Variants in ASPM observed in about 807,000 individuals in gnomAD.
ASPM encodes abnormal spindle-like microcephaly-associated protein.
ASPM carries 256 observed loss-of-function variants against 366.4 expected under a neutral mutation model. The observed-to-expected ratio is 0.70, with a 90% confidence interval of 0.63 to 0.77. The LOEUF (loss-of-function observed/expected upper bound fraction) is 0.77. Among genes scored for constraint, ASPM ranks in the 30% least tolerant of loss-of-function variants. The pLI, the probability that ASPM is intolerant of heterozygous loss-of-function variation, is 0.00. For missense variants in ASPM, 4,146 were observed against 4,090.4 expected (o/e 1.01, Z -0.37); for synonymous variants, 1,414 against 1,342.9 (o/e 1.05, Z -1.16).
intron 17 of ASPM, among the ~76,000 whole-genome samples, chr1:197,117,251 AAT>A (rs1657763905): frequency 6.6e-6 from 1 of 151,988 alleles, no homozygotes; most frequent in Admixed American, 6.6e-5. Context: ...ATGTCATTAA[AAT>A]ATAATTTAAT....
At chr1:197,086,587 T>G (rs1023007641) in intron 27 of ASPM, among the ~76,000 whole-genome samples, 1 of 152,230 alleles carries the variant, frequency 6.6e-6, no homozygotes, top group African/African-American at 2.4e-5. Flanking sequence ...ATAAGAAGTT[T>G]GTTGAATAAC....
intron 16 of ASPM, among the ~76,000 whole-genome samples, chr1:197,120,995 A>C (rs1657891174): frequency 6.6e-6 from 1 of 152,142 alleles, no homozygotes; most frequent in Non-Finnish European, 1.5e-5. Flanking sequence ...AAGTTGTCAA[A>C]ATTTATCTGT....
In ASPM at chr1:197,104,627, T is replaced by C. The variant is rs143052642; in HGVS notation, c.4624A>G (p.Ile1542Val). 24 of 1,612,956 alleles carry C rather than the reference T, an allele frequency of 1.5e-5. No homozygotes were observed. In the African/African-American group the frequency reaches 2.7e-4, roughly 18 times the overall value. ...CTCCTAAAAGCAGCTTGTAATTGAA[T>C]GGCTGCAGCTCGTTTCTGCAAATAG... ...TNYLQKRAAA[I>V]QLQAAFRRLK... The change falls in exon 18 of 28, where the codon ATT becomes GTT. Residue 1542 changes from isoleucine (I) to valine (V), a missense_variant. By Grantham distance (29) the Ile-to-Val change is conservative. This residue lies in a region of ASPM where 3,624 missense variants were observed against 3,591.7 expected (regional missense o/e 1.01). Coordinates refer to ENST00000367409, the MANE Select transcript of ASPM (RefSeq NM_018136.5).
At position 197,094,107 on chromosome 1, in the gene ASPM, G is replaced by A; in HGVS notation, c.9061C>T (p.His3021Tyr). ...WRAILPAKIAHEHFLMIKRHR... is the reference protein window; with the variant it reads ...WRAILPAKIAYEHFLMIKRHR... ...ACTTTTATCATTAAGAAGTGTTCAT[G>A]AGCTATCTTTGCAGGAAGTATAGCT... Residue 3021 changes from histidine to tyrosine, a missense_variant, in exon 20 of 28, where the codon CAT becomes TAT. Physicochemically the swap from His to Tyr is moderately conservative, Grantham distance 83. Around this residue, in one of 3 missense-constraint regions of ASPM, gnomAD observed 3,624 missense variants for 3,591.7 expected, o/e 1.01. Transcript: ENST00000367409. The A allele has an allele frequency of 6.9e-6, 11 of 1,601,696 alleles. No individual in the cohort carries two copies. Among genetic ancestry groups the A allele is most frequent in the Non-Finnish European group, 8.5e-6 (10 of 1,171,524 alleles).
rs1447802941 is a variant in ASPM at position 197,117,897 on chromosome 1, T to G, written c.3957A>C (p.Ala1319=). The G allele has an allele frequency of 6.2e-7, 1 of 1,613,402 alleles. No homozygotes were observed. Among genetic ancestry groups the G allele is most frequent in the East Asian group, 2.2e-5 (1 of 44,828 alleles). Residue 1319 remains alanine, a synonymous_variant, in exon 17 of 28, where the codon GCA becomes GCC. Coordinates refer to ENST00000367409, the MANE Select transcript of ASPM (RefSeq NM_018136.5). ...KQRLRKRVNA[A]LVIQKYWRRV... ...TTCGCCAATATTTCTGAATGACGAGTGCTGCATTAACTCTTTTTCTCAATC... is the reference window on the plus strand; with the variant it reads ...TTCGCCAATATTTCTGAATGACGAGGGCTGCATTAACTCTTTTTCTCAATC...
intron 16 of ASPM, among the ~76,000 whole-genome samples, chr1:197,120,508 T>G (rs777709754): frequency 3.3e-5 from 5 of 152,074 alleles, no homozygotes; most frequent in East Asian, 1.9e-4. Context: ...CCTGCCTGGG[T>G]GACAGAGTGA....
In ASPM at chr1:197,101,771, A is replaced by G. The variant is rs964201; in HGVS notation, c.7480T>C (p.Tyr2494His). The G allele has an allele frequency of 0.99, 1,604,366 of 1,612,646 alleles. 798,074 individuals are homozygous for G. Among genetic ancestry groups the G allele is most frequent in the Middle Eastern group, 1 (6,056 of 6,056 alleles). Residue 2494 changes from tyrosine to histidine, a missense_variant, in exon 18 of 28, where the codon TAC becomes CAC. By Grantham distance (83) the Tyr-to-His change is moderately conservative. This residue lies in a region of ASPM where 3,624 missense variants were observed against 3,591.7 expected (regional missense o/e 1.01). Transcript: ENST00000367409. Reference protein sequence around the residue: ...AVLIQATFRMYRTYITFQTWK... With the variant: ...AVLIQATFRMHRTYITFQTWK... ...GTCTGAAATGTAATATATGTTCTGTACATCCTGAAAGTAGCCTGAATGAGA... is the reference window on the plus strand; with the variant it reads ...GTCTGAAATGTAATATATGTTCTGTGCATCCTGAAAGTAGCCTGAATGAGA...
rs769860568 is a variant in ASPM at position 197,103,312 on chromosome 1, T to C, written c.5939A>G (p.Tyr1980Cys). The C allele has an allele frequency of 2.5e-6, 4 of 1,613,094 alleles. No individual in the cohort carries two copies. In the African/African-American group the frequency reaches 5.3e-5, roughly 22 times the overall value. Residue 1980 changes from tyrosine (Y) to cysteine (C), a missense_variant, in exon 18 of 28, where the codon TAC (tyrosine) becomes TGC (cysteine). Around this residue, in one of 3 missense-constraint regions of ASPM, gnomAD observed 3,624 missense variants for 3,591.7 expected, o/e 1.01. Transcript: ENST00000367409. ...CTTTTGTTGCACATGCATTCTATAGTATGACTGTATGATGATAGCACATTT... is the reference window on the plus strand; with the variant it reads ...CTTTTGTTGCACATGCATTCTATAGCATGACTGTATGATGATAGCACATTT... ...QHKCAIIIQSYYRMHVQQKKW... is the reference protein window; with the variant it reads ...QHKCAIIIQSCYRMHVQQKKW...
chr1:197,088,168 T>G, intron 26 of ASPM, 88 bp downstream of exon 26: 1 of 1,417,384 alleles, frequency 7.1e-7, no homozygotes, highest in Non-Finnish European at 9.8e-7. Context: ...TATTTTAGAG[T>G]GATAATTACT....
In ASPM at chr1:197,142,356, C is replaced by G; in HGVS notation, c.1896G>C (p.Glu632Asp). The change falls in exon 3 of 28, where the codon GAG becomes GAC. Residue 632 changes from glutamate to aspartate, a missense_variant. Coordinates refer to ENST00000367409, the MANE Select transcript of ASPM (RefSeq NM_018136.5). ...CAGTTTTCTTCTTCAGGTTTAATTT[C>G]TCTCTGTTGCTAATACGTTTTGAGA... ...TPISKRISNR[E>D]KLNLKKKTDL... The G allele has an allele frequency of 5.6e-6, 9 of 1,613,728 alleles. No individual in the cohort carries two copies. Among genetic ancestry groups the G allele is most frequent in the Non-Finnish European group, 7.6e-6 (9 of 1,179,740 alleles).
chr1:197,091,827 T>C (rs1223817437), intron 22 of ASPM, 80 bp downstream of exon 22: 19 of 1,442,326 alleles, frequency 1.3e-5, no homozygotes, highest in Admixed American at 5.2e-5. Context: ...CATAAAGCAT[T>C]TGGAAATTGT....
intron 12 of ASPM, 94 bp downstream of exon 12, chr1:197,124,773 ATGG>A: frequency 2.0e-6 from 2 of 976,586 alleles, no homozygotes; most frequent in South Asian, 2.6e-5. Flanking sequence ...TTATTAAATG[ATGG>A]TTGTTGTTGT....
intron 19 of ASPM, among the ~76,000 whole-genome samples, chr1:197,095,761 A>T (rs1055604348): frequency 4.0e-5 from 2 of 50,614 alleles, no homozygotes; most frequent in African/African-American, 6.3e-5. Context: ...GAATTAATCA[A>T]GTATATAATA....
rs1405961521 is a variant in ASPM at position 197,100,949 on chromosome 1, C to T, written c.8302G>A (p.Ala2768Thr). The change falls in exon 18 of 28, where the codon GCC becomes ACC. Residue 2768 changes from alanine (A) to threonine (T), a missense_variant. Physicochemically the swap from Ala to Thr is moderately conservative, Grantham distance 58. Coordinates refer to ENST00000367409, the MANE Select transcript of ASPM (RefSeq NM_018136.5). ...CAGAGTGCAGATTGGTTAACAATGG[C>T]TGCCATCTTTTCCTCTGATACATTT... Reference protein sequence around the residue: ...LKNVSEEKMAAIVNQSALCCY... With the variant: ...LKNVSEEKMATIVNQSALCCY... 4 of 1,612,688 alleles carry T rather than the reference C, an allele frequency of 2.5e-6. No individual in the cohort carries two copies. The highest frequency in any genetic ancestry group is 1.3e-5 in the African/African-American group (1 of 74,932).
chr1:197,142,621 T>C lies in ASPM; in HGVS notation c.1631A>G (p.Tyr544Cys). ...TAATATTGGATCTATAATTGGAAGATAAGAATGAAAATCTTCTTTTTCCTT... is the reference window on the plus strand; with the variant it reads ...TAATATTGGATCTATAATTGGAAGACAAGAATGAAAATCTTCTTTTTCCTT... Reference protein sequence around the residue: ...NQKEKEDFHSYLPIIDPILSK... With the variant: ...NQKEKEDFHSCLPIIDPILSK... Residue 544 changes from tyrosine to cysteine, a missense_variant, in exon 3 of 28, where the codon TAT becomes TGT. Coordinates refer to ENST00000367409, the MANE Select transcript of ASPM (RefSeq NM_018136.5). 6.2e-7 allele frequency: 1 copy of C among 1,612,400 alleles called. No individual in the cohort carries two copies. The highest frequency in any genetic ancestry group is 8.5e-7 in the Non-Finnish European group (1 of 1,178,658).
At position 197,143,158 on chromosome 1, in the gene ASPM, A is replaced by T. The variant is rs775991536; in HGVS notation, c.1094T>A (p.Ile365Asn). The change falls in exon 3 of 28, where the codon ATT becomes AAT. Residue 365 changes from isoleucine (I) to asparagine (N), a missense_variant. Physicochemically the swap from Ile to Asn is moderately radical, Grantham distance 149 (BLOSUM62 -3). Transcript: ENST00000367409. ...STIAHEIYQK[I>N]LSPDSFIKDN... ...TTTTATGAAAGAATCTGGACTTAAA[A>T]TTTTCTGATAAATTTCATGTGCAAT... 1 of 1,613,486 alleles carries T rather than the reference A, an allele frequency of 6.2e-7. No homozygotes were observed. Among genetic ancestry groups the T allele is most frequent in the Non-Finnish European group, 8.5e-7 (1 of 1,179,596 alleles).
Position 197,124,158 on chromosome 1 carries a change from C to T in ASPM, c.3342G>A (p.Lys1114=). 6.2e-7 allele frequency: 1 copy of T among 1,612,698 alleles called. No individual in the cohort carries two copies. The change falls in exon 13 of 28, where the codon AAG becomes AAA. Residue 1114 remains lysine, a synonymous_variant. Transcript: ENST00000367409. ...CAGCATTTACCCAATCCATCAATAA[C>T]TTTATGTTTTCACTATATTGTTCAA... The part of the protein sequence containing the change: ...GSFEQYSENI[K]LLMDWVNAVC...
chr1:197,097,152 T>G (rs1470734511), intron 18 of ASPM, among the ~76,000 whole-genome samples: 1 of 151,710 alleles, frequency 6.6e-6, no homozygotes, highest in African/African-American at 2.4e-5. Flanking sequence ...GAGCCTTATC[T>G]CTCCCTTTCC....
Position 197,124,249 on chromosome 1 carries a change from G to A in ASPM, c.3251C>T (p.Ser1084Phe). 3 of 1,608,394 alleles carry A rather than the reference G, an allele frequency of 1.9e-6. No individual in the cohort carries two copies. Among genetic ancestry groups the A allele is most frequent in the South Asian group, 1.1e-5 (1 of 90,838 alleles). ...ATCATCAGAATGGCATGATAGTAGA[G>A]ATATTGTTTTCTTTATACTCTTTGT... is the stretch of plus-strand genomic sequence containing the variant. Reference protein sequence around the residue: ...KHTKSIKKTISLLSCHSDDLI... With the variant: ...KHTKSIKKTIFLLSCHSDDLI... The change falls in exon 13 of 28, where the codon TCT becomes TTT. Residue 1084 changes from serine (S) to phenylalanine (F), a missense_variant. Ser to Phe is a radical substitution (Grantham distance 155). This residue lies in a region of ASPM where 3,624 missense variants were observed against 3,591.7 expected (regional missense o/e 1.01). Transcript: ENST00000367409.
Sources: allele counts gnomAD v4.1 joint callset (sites outside exome capture counted in the v4.1 genomes callset), GRCh38; gene constraint gnomAD v4.1.1; regional missense constraint gnomAD v4.1.1; transcripts MANE v1.5; gene names NCBI Gene and HGNC (gene_info 2026-07-23, HGNC 2026-07-21).